RYR2: variants seen among roughly 807,000 people sequenced by gnomAD.
The protein encoded by RYR2 is cardiac muscle ryanodine receptor-calcium release channel.
In RYR2, 227 loss-of-function variants were observed where a neutral mutation model predicts 601.1. The ratio of observed to expected loss-of-function variants is 0.38; its 90% CI spans 0.34 to 0.42. RYR2 has a LOEUF of 0.42. Among genes scored for constraint, RYR2 ranks in the 10% least tolerant of loss-of-function variants. The probability of loss-of-function intolerance (pLI) is 1.00; values close to 1 mark genes in which losing one functional copy is unlikely to be tolerated. For missense variants in RYR2, 4,646 were observed against 6,156.5 expected (o/e 0.75, Z 8.21); for synonymous variants, 2,223 against 2,175.1 (o/e 1.02, Z -0.61).
chr1:237,681,890 G>C (rs567405522), intron 62 of RYR2, among the ~76,000 whole-genome samples: 8 of 152,256 alleles, frequency 5.3e-5, no homozygotes, highest in Admixed American at 2.6e-4. Flanking sequence ...GTGAAATTGA[G>C]GACACGTTGA....
At chr1:237,520,294 A>C (rs141208402) in intron 24 of RYR2, among the ~76,000 whole-genome samples, 5 of 152,252 alleles carry the variant, frequency 3.3e-5, no homozygotes, top group Non-Finnish European at 5.9e-5. Flanking sequence ...GATGCCATTT[A>C]TTTCTTTCCA....
intron 1 of RYR2, among the ~76,000 whole-genome samples, chr1:237,186,530 T>G (rs1679356774): frequency 6.6e-6 from 1 of 152,216 alleles, no homozygotes; most frequent in Non-Finnish European, 1.5e-5. Flanking sequence ...TCCCTAATTT[T>G]AGGCCAGATG....
At chr1:237,559,558 T>G (rs1165246675) in intron 27 of RYR2, among the ~76,000 whole-genome samples, 2 of 152,176 alleles carry the variant, frequency 1.3e-5, no homozygotes, top group Non-Finnish European at 2.9e-5. Flanking sequence ...ATACTTTTAT[T>G]TAGTTCATTA....
chr1:237,714,383 A>G (rs549608713), intron 71 of RYR2, among the ~76,000 whole-genome samples: 1 of 152,306 alleles, frequency 6.6e-6, no homozygotes, highest in East Asian at 1.9e-4. Context: ...ATAGTCAAAG[A>G]TGTCAGAGGT....
intron 2 of RYR2, among the ~76,000 whole-genome samples, chr1:237,273,025 G>A (rs1689862284): frequency 6.6e-6 from 1 of 152,106 alleles, no homozygotes; most frequent in Non-Finnish European, 1.5e-5. Context: ...GCTGGAGGGT[G>A]TTTTGGGGAT....
At chr1:237,259,345 T>C (rs1688288084) in intron 1 of RYR2, among the ~76,000 whole-genome samples, 1 of 151,806 alleles carries the variant, frequency 6.6e-6, no homozygotes, top group Non-Finnish European at 1.5e-5. Flanking sequence ...CTCTCTCTAC[T>C]ACAAATACAA....
At chr1:237,216,141 A>G (rs573021273) in intron 1 of RYR2, among the ~76,000 whole-genome samples, 61 of 152,322 alleles carry the variant, frequency 4.0e-4, no homozygotes, top group Non-Finnish European at 7.2e-4. Context: ...TTAATCTAGT[A>G]AAATCATATA....
chr1:237,616,359 T>G (rs375024864), intron 37 of RYR2, among the ~76,000 whole-genome samples: 2 of 152,148 alleles, frequency 1.3e-5, no homozygotes, highest in African/African-American at 4.8e-5. Context: ...ATCCTTTTGG[T>G]TTTCAGTAGG....
At chr1:237,371,453 G>A (rs900912775) in intron 6 of RYR2, among the ~76,000 whole-genome samples, 11 of 152,060 alleles carry the variant, frequency 7.2e-5, no homozygotes, top group Admixed American at 2.0e-4. Context: ...CACCATGCCC[G>A]GCATGATTTT....
chr1:237,356,109 G>A (rs928437848), intron 4 of RYR2, 124 bp downstream of exon 4: 14 of 811,836 alleles, frequency 1.7e-5, no homozygotes, highest in African/African-American at 5.2e-5. Context: ...TAACTGCTTC[G>A]TTGTAATGAA....
At chr1:237,626,581 T>C (rs12750022) in intron 40 of RYR2, among the ~76,000 whole-genome samples, 1 of 60,976 alleles carries the variant, frequency 1.6e-5, no homozygotes, top group Non-Finnish European at 2.7e-5. Context: ...TTTCTTTTTC[T>C]TTTTTTTTTT....
chr1:237,252,492 ATTT>A (rs1687558116), intron 1 of RYR2, among the ~76,000 whole-genome samples: 1 of 152,104 alleles, frequency 6.6e-6, no homozygotes, highest in South Asian at 2.1e-4. Flanking sequence ...CTGACATTAC[ATTT>A]TGTAACTATT....
chr1:237,425,961 T>C (rs2150071688), intron 12 of RYR2, among the ~76,000 whole-genome samples: 1 of 152,206 alleles, frequency 6.6e-6, no homozygotes, highest in Admixed American at 6.5e-5. Context: ...TATCCCAATA[T>C]GTATGTATAC....
At chr1:237,493,939 T>A (rs1663729379) in intron 19 of RYR2, among the ~76,000 whole-genome samples, 1 of 152,194 alleles carries the variant, frequency 6.6e-6, no homozygotes, top group African/African-American at 2.4e-5. Context: ...CTCTACTGTT[T>A]GTGTCTGTGC....
chr1:237,450,696 A>G (rs1657981660), intron 14 of RYR2, among the ~76,000 whole-genome samples: 1 of 152,084 alleles, frequency 6.6e-6, no homozygotes. Flanking sequence ...GTCTTTGCTA[A>G]TTCTGCATTG....
At chr1:237,050,979 C>G (rs1021879187) in intron 1 of RYR2, among the ~76,000 whole-genome samples, 1 of 152,218 alleles carries the variant, frequency 6.6e-6, no homozygotes, top group African/African-American at 2.4e-5. Context: ...CACACGCACA[C>G]ATGTGTGCAC....
intron 35 of RYR2, among the ~76,000 whole-genome samples, chr1:237,608,652 G>A (rs997249869): frequency 4.6e-5 from 7 of 152,126 alleles, no homozygotes; most frequent in Admixed American, 1.3e-4. Context: ...GCTGTGAGCC[G>A]TGATTGCGCT....
chr1:237,577,081 C>T (rs953746322), intron 29 of RYR2, among the ~76,000 whole-genome samples: 10 of 152,126 alleles, frequency 6.6e-5, no homozygotes, highest in African/African-American at 2.4e-4. Flanking sequence ...TATTCACATA[C>T]CCATGACCCA....
At chr1:237,116,975 C>T (rs551757062) in intron 1 of RYR2, among the ~76,000 whole-genome samples, 1 of 152,298 alleles carries the variant, frequency 6.6e-6, no homozygotes, top group African/African-American at 2.4e-5. Context: ...TCTGGGCATC[C>T]TGTGGTCCAG....
Sources: gnomAD v4.1 joint callset for allele counts (sites outside exome capture counted in the v4.1 genomes callset) on GRCh38, gnomAD v4.1.1 for gene constraint, MANE v1.5 for transcripts, NCBI Gene and HGNC (gene_info 2026-07-23, HGNC 2026-07-21) for gene names.